NRG3: variants seen among roughly 807,000 people sequenced by gnomAD.
The protein encoded by NRG3 is pro-neuregulin-3, membrane-bound isoform.
NRG3 carries 31 observed loss-of-function variants against 66.9 expected under a neutral mutation model. The observed-to-expected ratio is 0.46, with a 90% CI of 0.35 to 0.63. The LOEUF is 0.63. Among genes scored for constraint, NRG3 ranks in the 20% least tolerant of loss-of-function variants. NRG3 has a pLI of 0.00. For missense variants in NRG3, 910 were observed against 878.9 expected (o/e 1.04, Z -0.45); for synonymous variants, 393 against 359.4 (o/e 1.09, Z -1.06).
At chr10:82,115,155 T>C (rs2132288827) in intron 1 of NRG3, among the ~76,000 whole-genome samples, 1 of 152,218 alleles carries the variant, frequency 6.6e-6, no homozygotes, top group Non-Finnish European at 1.5e-5. Context: ...CCTACATCTC[T>C]TCTTTTGATC....
At chr10:82,093,174 A>G (rs1209802857) in intron 1 of NRG3, among the ~76,000 whole-genome samples, 1 of 152,194 alleles carries the variant, frequency 6.6e-6, no homozygotes, top group Non-Finnish European at 1.5e-5. Flanking sequence ...TATCATCCTC[A>G]TTATTCAGAT....
intron 2 of NRG3, among the ~76,000 whole-genome samples, chr10:82,531,080 C>T (rs926366594): frequency 2.6e-5 from 4 of 151,516 alleles, no homozygotes; most frequent in Non-Finnish European, 5.9e-5. Flanking sequence ...ATAGAGTGCA[C>T]TTAGAAAAAT....
chr10:82,410,551 G>C (rs2087992083), intron 2 of NRG3, among the ~76,000 whole-genome samples: 1 of 151,318 alleles, frequency 6.6e-6, no homozygotes, highest in African/African-American at 2.4e-5. Context: ...GTGGAGGGAA[G>C]GGGAAAATGG....
chr10:82,484,100 G>A (rs1358802215), intron 2 of NRG3, among the ~76,000 whole-genome samples: 1 of 152,190 alleles, frequency 6.6e-6, no homozygotes, highest in Non-Finnish European at 1.5e-5. Flanking sequence ...ATAAAACAGT[G>A]TAATGATTTA....
In NRG3 at chr10:82,327,925, C is replaced by T. The variant is rs370558324; in HGVS notation, c.824-30814C>T. On this transcript the variant is annotated intron_variant, in intron 1 of 8. Coordinates refer to ENST00000372141, the MANE Select transcript of NRG3 (RefSeq NM_001010848.4). ...CATAGCAATTCTCTATCCACATACC[C>T]TCCCGTGTCTCTTCCTCTTAAAAAC... Among the ~76,000 whole-genome samples, 141 of 152,262 alleles carry T rather than the reference C, an allele frequency of 9.3e-4. 1 individual carries two copies. Among genetic ancestry groups the T allele is most frequent in the African/African-American group, 3.1e-3 (129 of 41,546 alleles).
At chr10:82,515,072 A>G (rs950242561) in intron 2 of NRG3, among the ~76,000 whole-genome samples, 2 of 152,162 alleles carry the variant, frequency 1.3e-5, no homozygotes, top group African/African-American at 4.8e-5. Context: ...GAGGCAGCAC[A>G]TGGGATTGTC....
intron 3 of NRG3, among the ~76,000 whole-genome samples, chr10:82,743,566 C>T (rs550943885): frequency 6.6e-6 from 1 of 152,272 alleles, no homozygotes; most frequent in East Asian, 1.9e-4. Context: ...ATAAACACAG[C>T]CCCACTTCCA....
chr10:82,548,043 T>TG (rs1440583903), intron 2 of NRG3, among the ~76,000 whole-genome samples: 1 of 145,694 alleles, frequency 6.9e-6, no homozygotes, highest in East Asian at 2.1e-4. Context: ...TGCCACGTTT[T>TG]TTTTTTTTTT....
Position 82,523,533 on chromosome 10 carries a change from A to T in NRG3, c.953+164665A>T, listed in dbSNP as rs979975089. ...AATTTTATATCTTCTTTGGGTGAAT[A>T]TCGATTCATATCCCTCACTCTTTTT... is the stretch of plus-strand genomic sequence containing the variant. On this transcript the variant is annotated intron_variant, in intron 2 of 8. Coordinates refer to ENST00000372141, the MANE Select transcript of NRG3 (RefSeq NM_001010848.4). Among the ~76,000 whole-genome samples, 33 of 151,998 alleles carry T rather than the reference A, an allele frequency of 2.2e-4. 1 individual carries two copies. Among genetic ancestry groups the T allele is most frequent in the African/African-American group, 8.0e-4 (33 of 41,380 alleles).
intron 4 of NRG3, among the ~76,000 whole-genome samples, chr10:82,880,272 T>C (rs1034417467): frequency 6.6e-6 from 1 of 152,122 alleles, no homozygotes; most frequent in African/African-American, 2.4e-5. Context: ...TTAGTATCCT[T>C]GGGAATACCA....
intron 4 of NRG3, among the ~76,000 whole-genome samples, chr10:82,942,339 G>A (rs1848649929): frequency 6.6e-6 from 1 of 152,138 alleles, no homozygotes; most frequent in South Asian, 2.1e-4. Context: ...TTTCTACGTA[G>A]TACAGCTTAA....
intron 2 of NRG3, among the ~76,000 whole-genome samples, chr10:82,512,442 C>T (rs185060850): frequency 1.3e-3 from 201 of 152,120 alleles, no homozygotes; most frequent in Non-Finnish European, 1.4e-3. Flanking sequence ...TATGCCACCA[C>T]GCTTGGCTAA....
In NRG3 at chr10:82,376,310, T is replaced by C. The variant is rs936800993; in HGVS notation, c.953+17442T>C. Reference sequence around the variant, plus strand: ...TCTCTGTAAGTGGGACTAAGGCATTTGTCTTTTAAAGCTGCCTAAGTGATT... The same window carrying C: ...TCTCTGTAAGTGGGACTAAGGCATTCGTCTTTTAAAGCTGCCTAAGTGATT... On this transcript the variant is annotated intron_variant, in intron 2 of 8. Coordinates refer to ENST00000372141, the MANE Select transcript of NRG3 (RefSeq NM_001010848.4). Among the ~76,000 whole-genome samples, 5 of 152,318 alleles carry C rather than the reference T, an allele frequency of 3.3e-5. No individual in the cohort carries two copies. In the East Asian group the frequency reaches 5.8e-4, roughly 18 times the overall value.
At chr10:82,266,214 G>T (rs898664475) in intron 1 of NRG3, among the ~76,000 whole-genome samples, 15 of 152,102 alleles carry the variant, frequency 9.9e-5, no homozygotes, top group African/African-American at 3.4e-4. Flanking sequence ...GGGTCTAATG[G>T]GATTGAGCCT....
intron 2 of NRG3, among the ~76,000 whole-genome samples, chr10:82,672,628 T>C (rs191814084): frequency 5.1e-4 from 78 of 152,274 alleles, no homozygotes; most frequent in African/African-American, 1.7e-3. Flanking sequence ...TGTTAGACTA[T>C]TGACAAGGGA....
chr10:82,077,018 A>G (rs569464461), intron 1 of NRG3, among the ~76,000 whole-genome samples: 1 of 152,306 alleles, frequency 6.6e-6, no homozygotes, highest in African/African-American at 2.4e-5. Context: ...CTATGCTTCT[A>G]TGATTCTTAT....
chr10:82,390,084 A>G (rs970692113), intron 2 of NRG3, among the ~76,000 whole-genome samples: 3 of 152,096 alleles, frequency 2.0e-5, no homozygotes, highest in African/African-American at 7.2e-5. Context: ...ACCTACCTCA[A>G]TGCGTTTTTA....
At chr10:82,367,304 A>G (rs1452856784) in intron 2 of NRG3, among the ~76,000 whole-genome samples, 2 of 152,184 alleles carry the variant, frequency 1.3e-5, no homozygotes, top group Non-Finnish European at 2.9e-5. Context: ...TATTGTAGCT[A>G]TGCAAAACCT....
chr10:82,058,584 T>A (rs2063969048), intron 1 of NRG3, among the ~76,000 whole-genome samples: 1 of 151,204 alleles, frequency 6.6e-6, no homozygotes, highest in Non-Finnish European at 1.5e-5. Context: ...ATATACTTTT[T>A]CTAGAAAAAA....
Sources: gnomAD v4.1 joint callset for allele counts (sites outside exome capture counted in the v4.1 genomes callset) on GRCh38, gnomAD v4.1.1 for gene constraint, MANE v1.5 for transcripts, NCBI Gene and HGNC (gene_info 2026-07-23, HGNC 2026-07-21) for gene names.